The following SPATS2L variants were observed in gnomAD, a reference collection of about 807,000 sequenced individuals.
SPATS2L encodes the protein SPATS2-like protein.
Under a neutral mutation model 59.6 loss-of-function variants are expected in SPATS2L, and 30 were observed. That is an observed-to-expected ratio of 0.50 (90% CI 0.38 to 0.68). The LOEUF (loss-of-function observed/expected upper bound fraction) is 0.68, where lower values mean the gene tolerates loss of function less well. Among genes scored for constraint, SPATS2L ranks in the 30% least tolerant of loss-of-function variants. The probability of loss-of-function intolerance (pLI) is 0.00; values close to 1 mark genes in which losing one functional copy is unlikely to be tolerated. For synonymous variants in SPATS2L, 252 were observed against 263.5 expected (o/e 0.96, Z 0.42); for missense variants, 615 against 700.0 (o/e 0.88, Z 1.37).
intron 2 of SPATS2L, among the ~76,000 whole-genome samples, chr2:200,356,599 G>A (rs1234687963): frequency 1.3e-5 from 2 of 152,136 alleles, no homozygotes; most frequent in African/African-American, 4.8e-5. Context: ...AAGACATAGT[G>A]GAGGAAATGG....
chr2:200,360,627 C>T (rs897492690), intron 2 of SPATS2L, among the ~76,000 whole-genome samples: 1 of 152,134 alleles, frequency 6.6e-6, no homozygotes, highest in Non-Finnish European at 1.5e-5. Context: ...GCCGCTCCTC[C>T]TTGGGGGAGG....
chr2:200,332,069 T>C (rs368140605), intron 2 of SPATS2L, among the ~76,000 whole-genome samples: 1 of 152,206 alleles, frequency 6.6e-6, no homozygotes, highest in African/African-American at 2.4e-5. Flanking sequence ...AAAATTTGAA[T>C]GAACATTTTG....
chr2:200,342,884 CCAATTTAGAAAACATGTCTAAAA>C (rs1266961669), intron 2 of SPATS2L, among the ~76,000 whole-genome samples: 83 of 152,222 alleles, frequency 5.5e-4, no homozygotes, highest in Non-Finnish European at 1.0e-4. Flanking sequence ...GCAGAAATGT[CCAATTTAGAAAACATGTCTAAAA>C]GGAAAAGCTG....
intron 6 of SPATS2L, among the ~76,000 whole-genome samples, chr2:200,429,886 C>T (rs547974012): frequency 2.2e-4 from 33 of 152,238 alleles, no homozygotes; most frequent in African/African-American, 7.7e-4. Context: ...TTCTCCCCTA[C>T]AAATGTAGTC....
intron 1 of SPATS2L, among the ~76,000 whole-genome samples, chr2:200,319,975 C>CT (rs1452571809): frequency 6.7e-6 from 1 of 148,158 alleles, no homozygotes; most frequent in East Asian, 1.9e-4. Flanking sequence ...ATGTTAGACT[C>CT]TTACTTATTT....
At chr2:200,440,540 A>G in intron 7 of SPATS2L, 109 bp from the exon 8 acceptor site, 2 of 1,103,622 alleles carry the variant, frequency 1.8e-6, no homozygotes, top group Non-Finnish European at 2.6e-6. Flanking sequence ...TTTACTAGAC[A>G]AAAGATGAGT....
chr2:200,482,263 GT>G (rs2087795181), exon 13 of SPATS2L: 1 of 152,164 alleles, frequency 6.6e-6, no homozygotes, highest in African/African-American at 2.4e-5. Flanking sequence ...TTCTAACAAA[GT>G]TTTGTGTTTA....
intron 11 of SPATS2L, among the ~76,000 whole-genome samples, chr2:200,472,242 C>G (rs2087105776): frequency 6.6e-6 from 1 of 152,186 alleles, no homozygotes; most frequent in South Asian, 2.1e-4. Context: ...ATACAAGATG[C>G]CTTAGGGGCT....
intron 2 of SPATS2L, among the ~76,000 whole-genome samples, chr2:200,341,040 ATTTC>A (rs2080307918): frequency 1.3e-5 from 2 of 152,202 alleles, no homozygotes; most frequent in African/African-American, 4.8e-5. Context: ...CTTTGCTAAT[ATTTC>A]TTAAGTGCTT....
chr2:200,479,673 A>G lies in SPATS2L; in HGVS notation c.*1642A>G. 2.5e-6 allele frequency: 1 copy of G among 398,656 alleles called. No individual in the cohort carries two copies. The highest frequency in any genetic ancestry group is 4.4e-6 in the Non-Finnish European group (1 of 226,076). 24.7% of individuals were successfully genotyped at this position (398,656 alleles called of 1,614,324 possible). A position where few individuals can be genotyped will look rare whatever the true frequency, so the allele number is the denominator to read the frequency against. Reference sequence around the variant, plus strand: ...TCCGTTGCACTCACATGTCCTACATATCTGTTGACTACTCACAAGTGCAAA... The same window carrying G: ...TCCGTTGCACTCACATGTCCTACATGTCTGTTGACTACTCACAAGTGCAAA... On this transcript the variant is annotated 3_prime_UTR_variant, in exon 13 of 13. Transcript: ENST00000409140.
intron 11 of SPATS2L, among the ~76,000 whole-genome samples, chr2:200,470,527 C>T (rs1220307591): frequency 6.6e-6 from 1 of 152,166 alleles, no homozygotes; most frequent in Non-Finnish European, 1.5e-5. Context: ...GTCTTGTTCC[C>T]TATTAAGCCT....
chr2:200,424,842 G>T (rs2083466035), intron 6 of SPATS2L, among the ~76,000 whole-genome samples: 1 of 152,186 alleles, frequency 6.6e-6, no homozygotes, highest in Admixed American at 6.5e-5. Flanking sequence ...TGACCCAGCA[G>T]CCGGCCTTTA....
chr2:200,402,478 C>T (rs1447577529), intron 3 of SPATS2L, among the ~76,000 whole-genome samples: 1 of 152,162 alleles, frequency 6.6e-6, no homozygotes, highest in African/African-American at 2.4e-5. Context: ...AATGTTCCAC[C>T]TTCCCTCCCA....
chr2:200,327,944 A>G (rs77385322), intron 1 of SPATS2L, among the ~76,000 whole-genome samples: 16,296 of 152,300 alleles, frequency 0.11, 1,095 homozygotes, highest in South Asian at 0.23. Flanking sequence ...AAGAAAGTCA[A>G]TTAAGTACCA....
At chr2:200,449,651 A>G (rs1167035414) in intron 8 of SPATS2L, among the ~76,000 whole-genome samples, 1 of 152,276 alleles carries the variant, frequency 6.6e-6, no homozygotes, top group Non-Finnish European at 1.5e-5. Context: ...ACACATTCCC[A>G]TAGGATACTA....
intron 1 of SPATS2L, among the ~76,000 whole-genome samples, chr2:200,328,890 A>G (rs1351334434): frequency 6.6e-6 from 1 of 152,224 alleles, no homozygotes; most frequent in Non-Finnish European, 1.5e-5. Context: ...AACAAGAACA[A>G]TAGCTAACAT....
At chr2:200,355,704 A>T (rs2080892722) in intron 2 of SPATS2L, among the ~76,000 whole-genome samples, 1 of 152,264 alleles carries the variant, frequency 6.6e-6, no homozygotes, top group Non-Finnish European at 1.5e-5. Flanking sequence ...AAATATGTTT[A>T]TGCAGACACA....
At chr2:200,421,059 A>C (rs950956646) in intron 6 of SPATS2L, among the ~76,000 whole-genome samples, 1 of 152,164 alleles carries the variant, frequency 6.6e-6, no homozygotes, top group African/African-American at 2.4e-5. Flanking sequence ...TGGCGTTTTA[A>C]ACTCCCGTTA....
Position 200,481,276 on chromosome 2 carries a change from T to G in SPATS2L, c.*3245T>G, listed in dbSNP as rs2087768291. Reference sequence around the variant, plus strand: ...AAAAGGAGATTCTAATTAAACATTCTTAGGGAAGGACATCAAATGAGGTTA... The same window carrying G: ...AAAAGGAGATTCTAATTAAACATTCGTAGGGAAGGACATCAAATGAGGTTA... On this transcript the variant is annotated 3_prime_UTR_variant, in exon 13 of 13. Transcript: ENST00000409140. 6.6e-6 allele frequency: 1 copy of G among 152,234 alleles called. No individual in the cohort carries two copies. The highest frequency in any genetic ancestry group is 6.5e-5 in the Admixed American group (1 of 15,284). The allele number at this position is 152,234 out of a possible 1,614,324, so 9.4% of individuals were successfully genotyped here.
Sources: allele counts gnomAD v4.1 joint callset (sites outside exome capture counted in the v4.1 genomes callset), GRCh38; gene constraint gnomAD v4.1.1; transcripts MANE v1.5; gene names NCBI Gene and HGNC (gene_info 2026-07-23, HGNC 2026-07-21).